Variants in PTPRD observed in about 807,000 individuals in gnomAD.
PTPRD encodes receptor-type tyrosine-protein phosphatase delta.
In PTPRD, 34 loss-of-function variants were observed where a neutral mutation model predicts 214.5. The ratio of observed to expected loss-of-function variants is 0.16; its 90% confidence interval spans 0.12 to 0.21. The LOEUF (loss-of-function observed/expected upper bound fraction) is 0.21. Ranked by LOEUF, PTPRD falls within the 10% of genes least tolerant of loss-of-function variation. The pLI, the probability that PTPRD is intolerant of heterozygous loss-of-function variation, is 1.00. For missense variants in PTPRD, 2,545 were observed against 2,398.7 expected, an observed-to-expected ratio of 1.06 and a Z score of -1.27; for synonymous variants, 1,128 against 845.7, an observed-to-expected ratio of 1.33 and a Z score of -5.79.
At chr9:8,748,014 A>G (rs886682854) in intron 11 of PTPRD, among the ~76,000 whole-genome samples, 7 of 152,160 alleles carry the variant, frequency 4.6e-5, no homozygotes, top group African/African-American at 7.2e-5. Context: ...ACTAAGATCT[A>G]CCGCGGACCC....
chr9:9,324,063 C>T (rs949108704), intron 9 of PTPRD, among the ~76,000 whole-genome samples: 1 of 152,260 alleles, frequency 6.6e-6, no homozygotes, highest in South Asian at 2.1e-4. Flanking sequence ...AGTATATGTG[C>T]CACATTTTCT....
At chr9:10,076,677 C>T (rs771869063) in intron 3 of PTPRD, among the ~76,000 whole-genome samples, 8 of 152,008 alleles carry the variant, frequency 5.3e-5, no homozygotes, top group African/African-American at 9.7e-5. Context: ...TCATGGGGTC[C>T]CAACCCTTAA....
At chr9:9,528,894 A>G (rs914908400) in intron 8 of PTPRD, among the ~76,000 whole-genome samples, 1 of 151,550 alleles carries the variant, frequency 6.6e-6, no homozygotes, top group African/African-American at 2.4e-5. Flanking sequence ...TATAGGAGAA[A>G]AATATGTGTC....
intron 14 of PTPRD, among the ~76,000 whole-genome samples, chr9:8,622,927 C>A (rs1271723684): frequency 3.3e-5 from 5 of 151,294 alleles, no homozygotes; most frequent in African/African-American, 9.7e-5. Flanking sequence ...TCGCTTAAGC[C>A]AAGAGTTCAA....
chr9:8,824,085 G>C (rs1290405350), intron 11 of PTPRD, among the ~76,000 whole-genome samples: 1 of 152,128 alleles, frequency 6.6e-6, no homozygotes, highest in African/African-American at 2.4e-5. Context: ...CTTTGGTGTT[G>C]GTGGGTTTTG....
intron 25 of PTPRD, among the ~76,000 whole-genome samples, chr9:8,498,761 T>TAA (rs2097332576): frequency 6.6e-6 from 1 of 152,088 alleles, no homozygotes; most frequent in South Asian, 2.1e-4. Flanking sequence ...ACAGCAAAGG[T>TAA]AAGCCAGTAC....
intron 5 of PTPRD, among the ~76,000 whole-genome samples, chr9:9,861,003 A>G (rs1045066379): frequency 1.3e-5 from 2 of 152,228 alleles, no homozygotes; most frequent in African/African-American, 4.8e-5. Flanking sequence ...GGAAAAATAG[A>G]CATTATAGTT....
intron 9 of PTPRD, among the ~76,000 whole-genome samples, chr9:9,244,659 G>A (rs537307711): frequency 3.4e-4 from 51 of 152,230 alleles, no homozygotes; most frequent in African/African-American, 1.2e-3. Flanking sequence ...AGACTTAAAT[G>A]TTAGACCAAA....
chr9:9,806,902 T>C (rs1469582085), intron 5 of PTPRD, among the ~76,000 whole-genome samples: 3 of 152,110 alleles, frequency 2.0e-5, no homozygotes, highest in African/African-American at 4.8e-5. Context: ...ACTGCACTTG[T>C]GGCCCCTCCC....
chr9:8,316,875 A>C lies in PTPRD; in HGVS notation c.*999T>G. 1 of 228,676 alleles carries C rather than the reference A, an allele frequency of 4.4e-6. No individual in the cohort carries two copies. 14.2% of individuals were successfully genotyped at this position (228,676 alleles called of 1,614,324 possible). On this transcript the variant is annotated 3_prime_UTR_variant, in exon 46 of 46. Transcript: ENST00000381196. ...ACAATAGCTTTTCTACGTTTAAAAA[A>C]ACTAAATCATGGAAGAACTGACTGA...
rs80004779 is a variant in PTPRD at position 8,881,699 on chromosome 9, T to A, written c.-104+136998A>T. On this transcript the variant is annotated intron_variant, in intron 11 of 45. Coordinates refer to ENST00000381196, the MANE Select transcript of PTPRD (RefSeq NM_002839.4). ...AGAGTTTTTAAAAGCTTTTAAGACC[T>A]GCATTTTAAGGACAAACAGAATTGA... Among the ~76,000 whole-genome samples, 901 of 152,266 alleles carry A rather than the reference T, an allele frequency of 5.9e-3. 17 individuals carry two copies. The highest frequency in any genetic ancestry group is 0.021 in the African/African-American group (857 of 41,540).
chr9:8,527,713 T>C (rs575600105), intron 15 of PTPRD, among the ~76,000 whole-genome samples: 2 of 152,138 alleles, frequency 1.3e-5, no homozygotes, highest in African/African-American at 4.8e-5. Flanking sequence ...GCTCTAAAAC[T>C]TAAGAAATTT....
chr9:9,829,806 T>G (rs1047383625), intron 5 of PTPRD, among the ~76,000 whole-genome samples: 2 of 151,844 alleles, frequency 1.3e-5, no homozygotes, highest in Non-Finnish European at 2.9e-5. Context: ...ATTATCATTA[T>G]TATTACTTTT....
At chr9:10,432,289 G>A (rs1343506071) in intron 2 of PTPRD, among the ~76,000 whole-genome samples, 1 of 116,352 alleles carries the variant, frequency 8.6e-6, no homozygotes, top group Non-Finnish European at 1.7e-5. Context: ...ACTGTGGTGG[G>A]GTGGGGGGAG....
intron 33 of PTPRD, among the ~76,000 whole-genome samples, chr9:8,460,024 T>C (rs545471063): frequency 6.6e-6 from 1 of 152,260 alleles, no homozygotes; most frequent in Admixed American, 6.5e-5. Context: ...AAAATCGTGA[T>C]AGTGTTTCAA....
At chr9:9,275,898 T>A (rs1318346435) in intron 9 of PTPRD, among the ~76,000 whole-genome samples, 1 of 151,052 alleles carries the variant, frequency 6.6e-6, no homozygotes, top group East Asian at 2.0e-4. Context: ...TACTAGAATG[T>A]CCCCAGGCCG....
chr9:10,436,895 C>G (rs2098721836), intron 2 of PTPRD, among the ~76,000 whole-genome samples: 1 of 151,836 alleles, frequency 6.6e-6, no homozygotes, highest in East Asian at 2.0e-4. Context: ...CTAATATACT[C>G]ACGGAACTAA....
intron 2 of PTPRD, among the ~76,000 whole-genome samples, chr9:10,518,303 T>C (rs1261941379): frequency 6.6e-6 from 1 of 152,152 alleles, no homozygotes; most frequent in African/African-American, 2.4e-5. Context: ...GAGCCTGGCG[T>C]ATGGTTGTAC....
intron 11 of PTPRD, among the ~76,000 whole-genome samples, chr9:8,997,466 G>A (rs1032974296): frequency 3.9e-5 from 6 of 151,984 alleles, no homozygotes; most frequent in African/African-American, 1.2e-4. Flanking sequence ...TTATCTAGTT[G>A]TTGTGGGGCA....
Sources: gnomAD v4.1 joint callset for allele counts (sites outside exome capture counted in the v4.1 genomes callset) on GRCh38, gnomAD v4.1.1 for gene constraint, MANE v1.5 for transcripts, NCBI Gene and HGNC (gene_info 2026-07-23, HGNC 2026-07-21) for gene names.